CTNNA3: variants seen among roughly 807,000 people sequenced by gnomAD.
CTNNA3 encodes the protein catenin alpha-3.
CTNNA3 carries 76 observed loss-of-function variants against 95.7 expected under a neutral mutation model. That is an observed-to-expected ratio of 0.79 (90% CI 0.66 to 0.96). The LOEUF is 0.96. Among genes scored for constraint, CTNNA3 ranks in the 40% least tolerant of loss-of-function variants. CTNNA3 has a pLI of 0.00. For synonymous variants in CTNNA3, 431 were observed against 374.4 expected, an observed-to-expected ratio of 1.15 and a Z score of -1.74; for missense variants, 1,191 against 1,089.8, an observed-to-expected ratio of 1.09 and a Z score of -1.31.
chr10:67,689,120 C>G (rs952028489), intron 1 of CTNNA3, among the ~76,000 whole-genome samples: 3 of 152,112 alleles, frequency 2.0e-5, no homozygotes, highest in South Asian at 2.1e-4. Context: ...TGGGACCTTA[C>G]CACTGTCCTA....
chr10:67,468,424 A>T (rs1321107401), intron 5 of CTNNA3, among the ~76,000 whole-genome samples: 5 of 152,192 alleles, frequency 3.3e-5, no homozygotes, highest in Admixed American at 2.0e-4. Context: ...TAAAAAAATT[A>T]GTGTATGCAC....
At chr10:66,808,851 G>C (rs190793981) in intron 7 of CTNNA3, among the ~76,000 whole-genome samples, 43 of 152,074 alleles carry the variant, frequency 2.8e-4, no homozygotes, top group African/African-American at 9.9e-4. Context: ...TTCGCTTACT[G>C]GTCATTTAAA....
At chr10:66,974,639 T>A (rs575356099) in intron 7 of CTNNA3, among the ~76,000 whole-genome samples, 2 of 152,338 alleles carry the variant, frequency 1.3e-5, no homozygotes, top group African/African-American at 4.8e-5. Flanking sequence ...GTATAAGAGT[T>A]TCATTGGTTC....
At chr10:65,964,236 G>T (rs74140895) in intron 17 of CTNNA3, among the ~76,000 whole-genome samples, 4,922 of 152,204 alleles carry the variant, frequency 0.032, 99 homozygotes, top group Middle Eastern at 0.092. Context: ...AGTGTGCTTT[G>T]GCACACGTAA....
intron 10 of CTNNA3, among the ~76,000 whole-genome samples, chr10:66,573,427 A>C (rs1842924691): frequency 6.6e-6 from 1 of 152,208 alleles, no homozygotes; most frequent in Admixed American, 6.5e-5. Context: ...ATGAGAAAAG[A>C]GATAGCATTT....
At chr10:65,981,068 T>A (rs1433656227) in intron 16 of CTNNA3, among the ~76,000 whole-genome samples, 1 of 152,056 alleles carries the variant, frequency 6.6e-6, no homozygotes. Context: ...TGTTTGCTGA[T>A]GATATGATCA....
intron 4 of CTNNA3, among the ~76,000 whole-genome samples, chr10:67,527,137 A>AT (rs550060296): frequency 4.5e-4 from 69 of 152,190 alleles, no homozygotes; most frequent in African/African-American, 1.6e-3. Flanking sequence ...TGCACCTGTA[A>AT]TCCCAGTTAC....
intron 13 of CTNNA3, among the ~76,000 whole-genome samples, chr10:66,136,934 G>A (rs993071981): frequency 2.6e-5 from 4 of 151,892 alleles, no homozygotes; most frequent in African/African-American, 7.3e-5. Flanking sequence ...CAATTCTCCT[G>A]ACTCAGCCTC....
At chr10:67,529,978 G>A (rs1840277074) in intron 4 of CTNNA3, among the ~76,000 whole-genome samples, 1 of 152,016 alleles carries the variant, frequency 6.6e-6, no homozygotes, top group East Asian at 1.9e-4. Context: ...TTTTAAAGAT[G>A]GGAGTTTCCC....
chr10:65,972,997 G>A (rs2078140327), intron 16 of CTNNA3, among the ~76,000 whole-genome samples: 1 of 150,580 alleles, frequency 6.6e-6, no homozygotes, highest in Non-Finnish European at 1.5e-5. Flanking sequence ...CATGATACTG[G>A]CACAAAAACA....
intron 6 of CTNNA3, among the ~76,000 whole-genome samples, chr10:67,198,733 T>A (rs949422331): frequency 6.6e-6 from 1 of 152,202 alleles, no homozygotes; most frequent in Non-Finnish European, 1.5e-5. Context: ...TGAGAAGACC[T>A]GTAGAAAAAA....
chr10:67,713,442 C>T (rs945100438), intron 1 of CTNNA3, among the ~76,000 whole-genome samples: 3 of 152,120 alleles, frequency 2.0e-5, no homozygotes, highest in African/African-American at 7.2e-5. Flanking sequence ...GGGTATATAC[C>T]CAAAGGATTA....
chr10:66,338,534 T>C (rs2092420687), intron 12 of CTNNA3, among the ~76,000 whole-genome samples: 1 of 151,828 alleles, frequency 6.6e-6, no homozygotes, highest in Admixed American at 6.6e-5. Flanking sequence ...AGAAATAACA[T>C]AGTAATTAAG....
At chr10:67,638,383 G>C (rs1254557919) in intron 2 of CTNNA3, among the ~76,000 whole-genome samples, 1 of 152,070 alleles carries the variant, frequency 6.6e-6, no homozygotes, top group East Asian at 1.9e-4. Flanking sequence ...CCTATAAAGA[G>C]ACTTAGACTC....
In CTNNA3 at chr10:67,014,054, A is replaced by G. The variant is rs74737936; in HGVS notation, c.1047+166263T>C. Among the ~76,000 whole-genome samples the G allele has an allele frequency of 4.8e-3, 736 of 152,270 alleles. 14 individuals carry two copies. Among genetic ancestry groups the G allele is most frequent in the African/African-American group, 0.017 (695 of 41,542 alleles). Reference sequence around the variant, plus strand: ...CAGAGACAAAAGGGGGAGTGTAAAAAATAACCTTTTTTCCCCTTAAAGCAA... The same window carrying G: ...CAGAGACAAAAGGGGGAGTGTAAAAGATAACCTTTTTTCCCCTTAAAGCAA... On this transcript the variant is annotated intron_variant, in intron 7 of 17. Coordinates refer to ENST00000433211, the MANE Select transcript of CTNNA3 (RefSeq NM_013266.4).
intron 13 of CTNNA3, among the ~76,000 whole-genome samples, chr10:66,199,378 TTTTG>T (rs895603475): frequency 3.4e-4 from 51 of 152,198 alleles, no homozygotes; most frequent in Middle Eastern, 3.4e-3. Context: ...ACTCTTGTGT[TTTTG>T]TTTGTTTGTT....
At chr10:66,114,504 A>G (rs1384114722) in intron 13 of CTNNA3, among the ~76,000 whole-genome samples, 1 of 145,314 alleles carries the variant, frequency 6.9e-6, no homozygotes, top group Non-Finnish European at 1.5e-5. Flanking sequence ...ATGTGTGCAT[A>G]TATGTATATA....
intron 13 of CTNNA3, among the ~76,000 whole-genome samples, chr10:66,200,851 T>C (rs1351887187): frequency 2.0e-5 from 3 of 152,202 alleles, no homozygotes; most frequent in African/African-American, 7.2e-5. Flanking sequence ...TTGCACTTTG[T>C]AGAAAACATT....
intron 11 of CTNNA3, among the ~76,000 whole-genome samples, chr10:66,450,300 CTTTG>C (rs1408900025): frequency 1.3e-5 from 2 of 152,008 alleles, no homozygotes; most frequent in Non-Finnish European, 2.9e-5. Context: ...AATAAAAACA[CTTTG>C]TTTGGAGTAC....
Sources: gnomAD v4.1 joint callset for allele counts (sites outside exome capture counted in the v4.1 genomes callset) on GRCh38, gnomAD v4.1.1 for gene constraint, MANE v1.5 for transcripts, NCBI Gene and HGNC (gene_info 2026-07-23, HGNC 2026-07-21) for gene names.